ZNF385D: variants seen among roughly 807,000 people sequenced by gnomAD.
ZNF385D encodes the protein zinc finger protein 385D.
In ZNF385D, 15 loss-of-function variants were observed where a neutral mutation model predicts 35.8. The observed-to-expected ratio is 0.42, with a 90% confidence interval of 0.28 to 0.64. ZNF385D has a LOEUF of 0.64. ZNF385D is among the 30% of genes least tolerant of loss of function. The pLI, the probability that ZNF385D is intolerant of heterozygous loss-of-function variation, is 0.23. For missense variants in ZNF385D, 474 were observed against 494.6 expected (o/e 0.96, Z 0.39); for synonymous variants, 212 against 186.8 (o/e 1.13, Z -1.10).
chr3:22,251,897 A>G (rs1456320836), intron 2 of ZNF385D, among the ~76,000 whole-genome samples: 1 of 152,128 alleles, frequency 6.6e-6, no homozygotes, highest in Non-Finnish European at 1.5e-5. Flanking sequence ...CCTCTTTTGT[A>G]AAATAAGGTT....
chr3:22,201,528 A>G (rs1473507380), intron 2 of ZNF385D, among the ~76,000 whole-genome samples: 1 of 152,090 alleles, frequency 6.6e-6, no homozygotes, highest in African/African-American at 2.4e-5. Context: ...GATACAGAAA[A>G]AAAGAAAGAA....
chr3:21,519,700 T>C (rs1224462332), intron 3 of ZNF385D, among the ~76,000 whole-genome samples: 2 of 152,190 alleles, frequency 1.3e-5, no homozygotes, highest in Admixed American at 6.5e-5. Flanking sequence ...TCTAAATGAC[T>C]TTTAACTCTA....
rs149596200 is a variant in ZNF385D at position 21,521,776 on chromosome 3, T to TA, written c.277-10754dup. Among the ~76,000 whole-genome samples, 689 of 152,026 alleles carry TA rather than the reference T, an allele frequency of 4.5e-3. 3 individuals carry two copies. The highest frequency in any genetic ancestry group is 5.6e-3 in the Non-Finnish European group (379 of 67,966). The stretch of plus-strand genomic sequence containing the variant: ...ACAAAAAGCCCCAAAAACGTCTCTA[T>TA]AAAAAAATACCATAGGCAAAGTAAT... On this transcript the variant is annotated intron_variant, in intron 3 of 7. Transcript: ENST00000281523.
At chr3:21,745,865 C>T (rs1407338073) in intron 1 of ZNF385D, among the ~76,000 whole-genome samples, 4 of 152,138 alleles carry the variant, frequency 2.6e-5, no homozygotes, top group Non-Finnish European at 1.5e-5. Flanking sequence ...TTTAAAACCT[C>T]TAATGTATAT....
intron 1 of ZNF385D, among the ~76,000 whole-genome samples, chr3:21,695,362 T>C (rs1313856709): frequency 1.3e-5 from 2 of 152,194 alleles, no homozygotes; most frequent in South Asian, 4.1e-4. Context: ...TGATCCATAG[T>C]GGATGGTAAT....
chr3:22,319,850 ATTT>A (rs994793047), intron 2 of ZNF385D, among the ~76,000 whole-genome samples: 1 of 151,700 alleles, frequency 6.6e-6, no homozygotes, highest in Non-Finnish European at 1.5e-5. Context: ...ACTTCTGAAA[ATTT>A]TTTTTTAAAT....
intron 3 of ZNF385D, among the ~76,000 whole-genome samples, chr3:21,785,163 G>C (rs373001488): frequency 6.6e-6 from 1 of 152,090 alleles, no homozygotes; most frequent in Non-Finnish European, 1.5e-5. Context: ...CCCAAATCAC[G>C]TAACTATTAA....
intron 3 of ZNF385D, among the ~76,000 whole-genome samples, chr3:21,927,028 C>A (rs766405145): frequency 3.6e-4 from 55 of 152,186 alleles, no homozygotes; most frequent in Non-Finnish European, 2.4e-4. Context: ...ACAGATCACT[C>A]CTGAATGGCT....
At chr3:21,812,914 CCT>C (rs1257522450) in intron 3 of ZNF385D, among the ~76,000 whole-genome samples, 1 of 152,164 alleles carries the variant, frequency 6.6e-6, no homozygotes, top group East Asian at 1.9e-4. Context: ...GTCCCTGACC[CCT>C]GAGTAGCCCA....
intron 2 of ZNF385D, among the ~76,000 whole-genome samples, chr3:21,592,660 A>T (rs185650398): frequency 5.3e-5 from 8 of 152,298 alleles, no homozygotes; most frequent in African/African-American, 1.9e-4. Context: ...TGTTTGCTCA[A>T]ACTCCCATTC....
intron 2 of ZNF385D, among the ~76,000 whole-genome samples, chr3:21,582,007 A>G (rs147665572): frequency 7.9e-5 from 12 of 152,312 alleles, no homozygotes; most frequent in Non-Finnish European, 1.6e-4. Context: ...TCTGTCTTCC[A>G]CCAATAAATA....
chr3:21,442,886 A>AGTGTGTGT (rs4045435), intron 4 of ZNF385D, among the ~76,000 whole-genome samples: 38,482 of 147,006 alleles, frequency 0.26, 5,218 homozygotes, highest in East Asian at 0.42. Flanking sequence ...TCTGTGTATA[A>AGTGTGTGT]GTGTGTGTGT....
At chr3:21,633,429 AAAAAT>A (rs1380917166) in intron 2 of ZNF385D, among the ~76,000 whole-genome samples, 4 of 152,112 alleles carry the variant, frequency 2.6e-5, no homozygotes, top group African/African-American at 4.8e-5. Flanking sequence ...CAACAAAACT[AAAAAT>A]AAAGCAAAAC....
At chr3:22,241,266 G>C (rs1699477599) in intron 2 of ZNF385D, among the ~76,000 whole-genome samples, 1 of 151,186 alleles carries the variant, frequency 6.6e-6, no homozygotes. Flanking sequence ...GGTGAGGAAG[G>C]TGGCAAGACT....
At chr3:22,142,706 G>C (rs958295640) in intron 3 of ZNF385D, among the ~76,000 whole-genome samples, 5 of 152,054 alleles carry the variant, frequency 3.3e-5, no homozygotes, top group Non-Finnish European at 5.9e-5. Context: ...GTGCAGGAAA[G>C]ACGAATGAGA....
chr3:22,014,914 C>G (rs34068715), intron 3 of ZNF385D, among the ~76,000 whole-genome samples: 1 of 151,994 alleles, frequency 6.6e-6, no homozygotes, highest in Non-Finnish European at 1.5e-5. Context: ...AACGTGGAAA[C>G]TGATTACAGT....
chr3:21,560,870 G>A (rs1436414246), intron 3 of ZNF385D, among the ~76,000 whole-genome samples: 1 of 152,138 alleles, frequency 6.6e-6, no homozygotes, highest in Non-Finnish European at 1.5e-5. Flanking sequence ...TAGAGAGACA[G>A]TCTGGCCACA....
intron 2 of ZNF385D, among the ~76,000 whole-genome samples, chr3:21,589,036 T>G (rs750388071): frequency 1.6e-4 from 24 of 152,168 alleles, no homozygotes; most frequent in Non-Finnish European, 3.2e-4. Context: ...TGTGTTTTAG[T>G]GGGAGAGAGA....
chr3:22,065,935 T>C (rs1377173345), intron 3 of ZNF385D, among the ~76,000 whole-genome samples: 2 of 151,112 alleles, frequency 1.3e-5, no homozygotes, highest in East Asian at 3.9e-4. Flanking sequence ...CCAGGTGGAG[T>C]GAGGAGAACA....
Sources: allele counts gnomAD v4.1 joint callset (sites outside exome capture counted in the v4.1 genomes callset), GRCh38; gene constraint gnomAD v4.1.1; transcripts MANE v1.5; gene names NCBI Gene and HGNC (gene_info 2026-07-23, HGNC 2026-07-21).